Variants in PRDM16 observed in about 807,000 individuals in gnomAD.
PRDM16 encodes PR/SET domain 16, also known as histone-lysine N-methyltransferase PRDM16.
PRDM16 carries 23 observed loss-of-function variants against 110.6 expected under a neutral mutation model. That is an observed-to-expected ratio of 0.21 (90% CI 0.15 to 0.29). PRDM16 has a LOEUF of 0.29. PRDM16 is among the 10% of genes least tolerant of loss of function. The probability of loss-of-function intolerance (pLI) is 1.00; values close to 1 mark genes in which losing one functional copy is unlikely to be tolerated. For missense variants in PRDM16, 1,615 were observed against 1,794.3 expected (o/e 0.90, Z 1.81); for synonymous variants, 799 against 781.8 (o/e 1.02, Z -0.37).
rs1638342219 is a variant in PRDM16 at position 3,418,758 on chromosome 1, G to C, written c.2939+14G>C. On this transcript the variant is annotated intron_variant, in intron 12 of 16. Transcript: ENST00000270722. ...GCAGCCGTACAGGTAGGTGCTGCGTGGGCTGGGTGTGGGGGCGGGGCCGCC... is the reference window on the plus strand; with the variant it reads ...GCAGCCGTACAGGTAGGTGCTGCGTCGGCTGGGTGTGGGGGCGGGGCCGCC... 1.2e-6 allele frequency: 2 copies of C among 1,609,934 alleles called. No individual in the cohort carries two copies. Among genetic ancestry groups the C allele is most frequent in the Non-Finnish European group, 1.7e-6 (2 of 1,176,524 alleles).
At chr1:3,147,331 G>A (rs1259237044) in intron 1 of PRDM16, among the ~76,000 whole-genome samples, 2 of 151,510 alleles carry the variant, frequency 1.3e-5, no homozygotes, top group Non-Finnish European at 2.9e-5. Context: ...GGTGTGTGAC[G>A]TGGGTGCACC....
At chr1:3,132,244 G>C (rs569050796) in intron 1 of PRDM16, among the ~76,000 whole-genome samples, 2 of 152,192 alleles carry the variant, frequency 1.3e-5, no homozygotes, top group Non-Finnish European at 2.9e-5. Flanking sequence ...CCATTCCAGC[G>C]TGTTATTATC....
At chr1:3,412,929 G>A (rs1643718319) in intron 9 of PRDM16, 129 bp downstream of exon 9, 2 of 758,096 alleles carry the variant, frequency 2.6e-6, no homozygotes, top group East Asian at 6.4e-5. Context: ...CTGACTTCAG[G>A]AAGATGCCCC....
At chr1:3,094,242 C>G (rs939682120) in intron 1 of PRDM16, among the ~76,000 whole-genome samples, 11 of 152,348 alleles carry the variant, frequency 7.2e-5, no homozygotes, top group African/African-American at 2.6e-4. Flanking sequence ...CGGGGGCGCA[C>G]AGGCAGCAGG....
chr1:3,335,688 A>G (rs1006790095), intron 3 of PRDM16, among the ~76,000 whole-genome samples: 33 of 151,936 alleles, frequency 2.2e-4, no homozygotes, highest in Middle Eastern at 6.8e-3. Flanking sequence ...AAAAACACCT[A>G]CTTCTTTCAA....
intron 2 of PRDM16, among the ~76,000 whole-genome samples, chr1:3,187,006 T>C (rs1027661639): frequency 2.0e-5 from 3 of 152,204 alleles, no homozygotes; most frequent in Non-Finnish European, 4.4e-5. Context: ...CAGGGAGGGA[T>C]GGCTGGCTGT....
In PRDM16 at chr1:3,245,316, T is replaced by A. The variant is rs542428935; in HGVS notation, c.438+1179T>A. Among the ~76,000 whole-genome samples, 2 of 152,296 alleles carry A rather than the reference T, an allele frequency of 1.3e-5. No homozygotes were observed. The highest frequency in any genetic ancestry group is 6.5e-5 in the Admixed American group (1 of 15,308). On this transcript the variant is annotated intron_variant, in intron 3 of 16. Transcript: ENST00000270722. This position sits in a 1 kb window ranked among gnomAD's most constrained non-coding sequence, Gnocchi z 4.7. ...CTAGTCCTGCCAAACTCCCAGTCTC[T>A]GAGCCGAGGCATTTGGGCAGAGCTG...
intron 3 of PRDM16, among the ~76,000 whole-genome samples, chr1:3,348,521 G>A (rs1041719523): frequency 1.3e-5 from 2 of 152,218 alleles, no homozygotes; most frequent in African/African-American, 4.8e-5. Flanking sequence ...GCCCACAAAG[G>A]CGGCTTGAAT....
rs1024354015 is a variant in PRDM16 at position 3,290,579 on chromosome 1, A to T, written c.438+46442A>T. Reference sequence around the variant, plus strand: ...GGGACAGCGAGAGGTGGCATCACTGAAGAAGCCCCGTGGCTCCGGCTCCGT... The same window carrying T: ...GGGACAGCGAGAGGTGGCATCACTGTAGAAGCCCCGTGGCTCCGGCTCCGT... On this transcript the variant is annotated intron_variant, in intron 3 of 16. Coordinates refer to ENST00000270722, the MANE Select transcript of PRDM16 (RefSeq NM_022114.4). This position sits in a 1 kb window ranked among gnomAD's most constrained non-coding sequence, Gnocchi z 4.8. 1.3e-5 allele frequency among the ~76,000 whole-genome samples: 2 copies of T among 152,158 alleles called. No individual in the cohort carries two copies. Among genetic ancestry groups the T allele is most frequent in the Admixed American group, 6.5e-5 (1 of 15,284 alleles).
At position 3,181,498 on chromosome 1, in the gene PRDM16, A is replaced by G. The variant is rs571715826; in HGVS notation, c.38-4627A>G. On this transcript the variant is annotated intron_variant, in intron 1 of 16. Transcript: ENST00000270722. ...CGCAGTCTTACACACAGCCTTACGC[A>G]TGGTCTTACACACGCAGTCTTACAC... 2.4e-4 allele frequency among the ~76,000 whole-genome samples: 11 copies of G among 45,934 alleles called. 4 individuals carry two copies. The highest frequency in any genetic ancestry group is 4.9e-4 in the Admixed American group (2 of 4,094). 30.1% of individuals were successfully genotyped at this position (45,934 alleles called of 152,430 possible). A position where few individuals can be genotyped will look rare whatever the true frequency, so the allele number is the denominator to read the frequency against.
At chr1:3,116,559 C>T (rs938459445) in intron 1 of PRDM16, among the ~76,000 whole-genome samples, 1 of 152,178 alleles carries the variant, frequency 6.6e-6, no homozygotes, top group African/African-American at 2.4e-5. Flanking sequence ...TGGGGCAGTG[C>T]CTGGTCTGCT....
Position 3,414,655 on chromosome 1 carries a change from C to T in PRDM16, c.2691+8C>T. ...CTGCTCTTCCACCCCCAGGTACGTC[C>T]TCAGTGCAGGTCAGGGCGCCCTGTA... On this transcript the variant is annotated splice_region_variant and intron_variant, in intron 10 of 16. Coordinates refer to ENST00000270722, the MANE Select transcript of PRDM16 (RefSeq NM_022114.4). The T allele has an allele frequency of 1.2e-6, 2 of 1,610,368 alleles. No homozygotes were observed. Among genetic ancestry groups the T allele is most frequent in the African/African-American group, 1.3e-5 (1 of 74,974 alleles).
At chr1:3,171,194 G>A (rs775471854) in intron 1 of PRDM16, among the ~76,000 whole-genome samples, 5 of 152,202 alleles carry the variant, frequency 3.3e-5, no homozygotes, top group Non-Finnish European at 7.3e-5. Context: ...GCCTGTGCAC[G>A]GCAGCCACAG....
chr1:3,286,940 C>T (rs1308371641), intron 3 of PRDM16, among the ~76,000 whole-genome samples: 1 of 151,590 alleles, frequency 6.6e-6, no homozygotes, highest in African/African-American at 2.4e-5. Flanking sequence ...TGGGTCTGCC[C>T]ACCCTTCCTG....
chr1:3,291,574 CT>C (rs1196829455), intron 3 of PRDM16, among the ~76,000 whole-genome samples: 1 of 152,262 alleles, frequency 6.6e-6, no homozygotes, highest in African/African-American at 2.4e-5. Flanking sequence ...CCTCCCGCCC[CT>C]GCCCATCCCC....
At chr1:3,238,185 C>G (rs947414410) in intron 2 of PRDM16, 9 of 152,220 alleles carry the variant, frequency 5.9e-5, no homozygotes, top group African/African-American at 1.2e-4. Context: ...CAGGGCCCAA[C>G]GCGGGAGGCT....
At chr1:3,235,448 G>A (rs1639517809) in intron 2 of PRDM16, among the ~76,000 whole-genome samples, 1 of 152,194 alleles carries the variant, frequency 6.6e-6, no homozygotes, top group African/African-American at 2.4e-5. Flanking sequence ...GGAAGCAGAA[G>A]GAGGAAGGTG....
intron 1 of PRDM16, among the ~76,000 whole-genome samples, chr1:3,172,384 T>C (rs1384176833): frequency 1.3e-5 from 2 of 152,034 alleles, no homozygotes; most frequent in South Asian, 2.1e-4. Context: ...GACCCTGAGA[T>C]CTGGGCAGTG....
At position 3,411,675 on chromosome 1, in the gene PRDM16, C is replaced by T. The variant is rs368384353; in HGVS notation, c.1478C>T (p.Pro493Leu). ...TTCAACGAGTACTTTCCCTCCAGGC[C>T]GCACCCGGGGAGCCTGCCCTTCTCC... ...LGFNEYFPSR[P>L]HPGSLPFSTA... Residue 493 changes from proline to leucine, a missense_variant, in exon 9 of 17, where the codon CCG becomes CTG. Transcript: ENST00000270722. The T allele has an allele frequency of 1.7e-5, 27 of 1,611,790 alleles. No individual in the cohort carries two copies. Among genetic ancestry groups the T allele is most frequent in the East Asian group, 6.7e-5 (3 of 44,846 alleles).
Sources: gnomAD v4.1 joint callset for allele counts (sites outside exome capture counted in the v4.1 genomes callset) on GRCh38, gnomAD v4.1.1 for gene constraint, Gnocchi (gnomAD v3.1) non-coding constraint, MANE v1.5 for transcripts, NCBI Gene and HGNC (gene_info 2026-07-23, HGNC 2026-07-21) for gene names.